The following MCC variants were observed in gnomAD, a reference collection of about 807,000 sequenced individuals.
MCC encodes MCC regulator of Wnt signaling pathway.
Under a neutral mutation model 116.2 loss-of-function variants are expected in MCC, and 90 were observed. The observed-to-expected ratio is 0.77, with a 90% confidence interval of 0.65 to 0.92. The LOEUF (loss-of-function observed/expected upper bound fraction) is 0.92, where lower values mean the gene tolerates loss of function less well. MCC is among the 40% of genes least tolerant of loss of function. MCC has a pLI of 0.00. For missense variants in MCC, 1,516 were observed against 1,312.2 expected (o/e 1.16, Z -2.40); for synonymous variants, 578 against 510.5 (o/e 1.13, Z -1.78).
chr5:113,248,860 CT>C (rs1764675115), intron 3 of MCC, among the ~76,000 whole-genome samples: 1 of 133,322 alleles, frequency 7.5e-6, no homozygotes, highest in African/African-American at 2.9e-5. Context: ...TGGAGTCTCA[CT>C]GTGTCACCCA....
intron 3 of MCC, among the ~76,000 whole-genome samples, chr5:113,194,758 G>A (rs1323630235): frequency 1.3e-5 from 2 of 152,190 alleles, no homozygotes; most frequent in Admixed American, 6.5e-5. Context: ...AGTGATGAAT[G>A]CTGCTCCGTA....
intron 2 of MCC, among the ~76,000 whole-genome samples, chr5:113,356,375 A>C (rs758597720): frequency 6.7e-6 from 1 of 148,300 alleles, no homozygotes; most frequent in Non-Finnish European, 1.5e-5. Flanking sequence ...TCTAATAGAT[A>C]ATATTATATA....
intron 6 of MCC, among the ~76,000 whole-genome samples, chr5:113,107,274 G>C (rs1756800917): frequency 6.8e-6 from 1 of 146,676 alleles, no homozygotes; most frequent in African/African-American, 2.5e-5. Flanking sequence ...CTGGAGTGCA[G>C]TGGTGCAGTC....
chr5:113,266,480 G>T (rs1765422334), intron 3 of MCC, among the ~76,000 whole-genome samples: 1 of 152,178 alleles, frequency 6.6e-6, no homozygotes. Context: ...CTCACATAGG[G>T]CTTTATTTGT....
intron 6 of MCC, among the ~76,000 whole-genome samples, chr5:113,116,952 A>C (rs553649611): frequency 2.3e-4 from 35 of 152,346 alleles, no homozygotes; most frequent in Non-Finnish European, 2.2e-4. Context: ...ACATAAAGAA[A>C]AGAAAAAGGT....
intron 17 of MCC, among the ~76,000 whole-genome samples, chr5:113,039,052 G>A (rs939206344): frequency 2.9e-4 from 44 of 152,214 alleles, no homozygotes; most frequent in Middle Eastern, 3.4e-3. Flanking sequence ...TGTGAGGCTC[G>A]CCCCACCCTG....
intron 3 of MCC, among the ~76,000 whole-genome samples, chr5:113,174,419 G>C (rs1244252290): frequency 6.6e-6 from 1 of 151,986 alleles, no homozygotes; most frequent in Non-Finnish European, 1.5e-5. Flanking sequence ...CTAGTTTTAA[G>C]ATATATTTAC....
At chr5:113,090,174 G>A (rs1349010458) in intron 8 of MCC, among the ~76,000 whole-genome samples, 1 of 152,080 alleles carries the variant, frequency 6.6e-6, no homozygotes, top group African/African-American at 2.4e-5. Context: ...ACAGGGAGAT[G>A]GGGACACCTT....
intron 3 of MCC, among the ~76,000 whole-genome samples, chr5:113,285,153 G>C (rs971174099): frequency 7.2e-5 from 11 of 152,102 alleles, no homozygotes; most frequent in Non-Finnish European, 1.6e-4. Context: ...TTTGACTACA[G>C]AAAATGATAC....
chr5:113,196,674 C>T (rs1042499009), intron 3 of MCC, among the ~76,000 whole-genome samples: 1 of 152,050 alleles, frequency 6.6e-6, no homozygotes, highest in Non-Finnish European at 1.5e-5. Flanking sequence ...ACGGTGAAAC[C>T]CCATCTCTAT....
At chr5:113,386,842 G>A (rs897424727) in intron 1 of MCC, among the ~76,000 whole-genome samples, 5 of 141,580 alleles carry the variant, frequency 3.5e-5, no homozygotes, top group Non-Finnish European at 6.1e-5. Flanking sequence ...GTAGATGCAT[G>A]AGGATAGGAA....
At chr5:113,189,900 G>A (rs768218623) in intron 3 of MCC, among the ~76,000 whole-genome samples, 1 of 152,140 alleles carries the variant, frequency 6.6e-6, no homozygotes, top group Non-Finnish European at 1.5e-5. Context: ...TAACATTCCT[G>A]CAGGAGAAGA....
chr5:113,370,895 G>A (rs953169478), intron 2 of MCC, among the ~76,000 whole-genome samples: 6 of 152,130 alleles, frequency 3.9e-5, no homozygotes, highest in African/African-American at 1.4e-4. Flanking sequence ...GAAAACGGGA[G>A]AAATAATACA....
At chr5:113,190,588 T>A (rs1467778554) in intron 3 of MCC, among the ~76,000 whole-genome samples, 2 of 152,192 alleles carry the variant, frequency 1.3e-5, no homozygotes, top group African/African-American at 2.4e-5. Flanking sequence ...TCAGTATTAG[T>A]GTCCCTTCTG....
intron 3 of MCC, among the ~76,000 whole-genome samples, chr5:113,197,722 T>C (rs1762481676): frequency 6.6e-6 from 1 of 152,206 alleles, no homozygotes; most frequent in African/African-American, 2.4e-5. Context: ...CAACCCCACA[T>C]GGGTGAATTA....
At chr5:113,112,755 C>T (rs1413758113) in intron 6 of MCC, among the ~76,000 whole-genome samples, 1 of 152,200 alleles carries the variant, frequency 6.6e-6, no homozygotes, top group East Asian at 1.9e-4. Flanking sequence ...ACTTACAGTG[C>T]TGGGCATGGA....
At chr5:113,436,760 G>A (rs1185534032) in intron 1 of MCC, 1 of 152,090 alleles carries the variant, frequency 6.6e-6, no homozygotes, top group African/African-American at 2.4e-5. Context: ...GGCTTCATCT[G>A]CCTAAGAACC....
chr5:113,394,534 C>G (rs1769478525), intron 1 of MCC, among the ~76,000 whole-genome samples: 1 of 152,172 alleles, frequency 6.6e-6, no homozygotes, highest in Non-Finnish European at 1.5e-5. Flanking sequence ...TTCCAGCCAC[C>G]AAATTTCTTT....
chr5:113,297,785 T>G (rs948748574), intron 3 of MCC, among the ~76,000 whole-genome samples: 58 of 114,108 alleles, frequency 5.1e-4, no homozygotes, highest in African/African-American at 1.5e-3. Context: ...GAAGGGACAA[T>G]GGAAATAGGA....
Sources: gnomAD v4.1 joint callset for allele counts (sites outside exome capture counted in the v4.1 genomes callset) on GRCh38, gnomAD v4.1.1 for gene constraint, MANE v1.5 for transcripts, NCBI Gene and HGNC (gene_info 2026-07-23, HGNC 2026-07-21) for gene names.